Variants in TBXAS1 observed in about 807,000 individuals in gnomAD.
TBXAS1 encodes the protein thromboxane A synthase 1.
TBXAS1 carries 48 observed loss-of-function variants against 60.7 expected under a neutral mutation model. That is an observed-to-expected ratio of 0.79 (90% confidence interval 0.63 to 1.01). The LOEUF is 1.01. Ranked by LOEUF, TBXAS1 falls within the 50% of genes least tolerant of loss-of-function variation. The pLI is 0.00. For synonymous variants in TBXAS1, 287 were observed against 269.7 expected (o/e 1.06, Z -0.63); for missense variants, 685 against 686.3 (o/e 1.00, Z 0.02).
intron 3 of TBXAS1, among the ~76,000 whole-genome samples, chr7:139,881,615 T>C (rs1024847718): frequency 6.6e-6 from 1 of 152,220 alleles, no homozygotes; most frequent in Non-Finnish European, 1.5e-5. Flanking sequence ...AATATCCTCG[T>C]TTGGATGTCA....
intron 3 of TBXAS1, among the ~76,000 whole-genome samples, chr7:139,890,371 G>A (rs1050177995): frequency 6.6e-6 from 1 of 151,924 alleles, no homozygotes; most frequent in African/African-American, 2.4e-5. Context: ...GCCCGCCACT[G>A]CGCCCGGCTA....
Position 139,817,558 on chromosome 7 carries a change from GGT to G in TBXAS1, c.-79-11753_-79-11752del, listed in dbSNP as rs1386963387. Among the ~76,000 whole-genome samples the G allele has an allele frequency of 5.3e-5, 8 of 152,314 alleles. No homozygotes were observed. In the East Asian group the frequency reaches 1.5e-3, roughly 29 times the overall value. On this transcript the variant is annotated intron_variant, in intron 4 of 16. Coordinates refer to the TBXAS1 transcript ENST00000336425. ...AATTAGAGCCCATAAACCCGGAACA[GGT>G]ACAGGCAGCCACGGGGTGTCCAGAG... is the stretch of plus-strand genomic sequence containing the variant.
At chr7:139,918,438 G>A (rs573489889) in intron 4 of TBXAS1, among the ~76,000 whole-genome samples, 3 of 152,164 alleles carry the variant, frequency 2.0e-5, no homozygotes, top group South Asian at 4.2e-4. Context: ...ATTTATTCTC[G>A]CAGCCAAGCA....
intron 4 of TBXAS1, among the ~76,000 whole-genome samples, chr7:139,791,218 A>G (rs1485284614): frequency 6.6e-6 from 1 of 152,238 alleles, no homozygotes; most frequent in African/African-American, 2.4e-5. Context: ...ATAAATGCTA[A>G]CGGTAGCCTA....
In TBXAS1 at chr7:140,013,614, C is replaced by T. The variant is rs368358525; in HGVS notation, c.1227-2109C>T. Among the ~76,000 whole-genome samples, 13 of 152,324 alleles carry T rather than the reference C, an allele frequency of 8.5e-5. No homozygotes were observed. The South Asian group carries it at 2.7e-3, about 32-fold the overall frequency. ...ACCAGGAACGGCTCTCACTGGCAGG[C>T]CTCACGGAGGAGACCCAAGCTGGGG... On this transcript the variant is annotated intron_variant, in intron 10 of 12. Transcript: ENST00000448866. This position sits in a 1 kb window ranked among gnomAD's most constrained non-coding sequence, Gnocchi z 4.2.
chr7:139,846,223 T>C (rs1341078052), intron 1 of TBXAS1, among the ~76,000 whole-genome samples: 1 of 152,214 alleles, frequency 6.6e-6, no homozygotes, highest in Non-Finnish European at 1.5e-5. Flanking sequence ...GGCAGCTTGC[T>C]AGTTTATCAA....
intron 9 of TBXAS1, among the ~76,000 whole-genome samples, chr7:139,979,552 C>T (rs895192409): frequency 5.3e-5 from 8 of 151,788 alleles, no homozygotes; most frequent in Non-Finnish European, 1.2e-4. Context: ...TACGGTGAAA[C>T]CCGCCTCTAC....
intron 3 of TBXAS1, among the ~76,000 whole-genome samples, chr7:139,899,945 T>C (rs1374349678): frequency 6.6e-6 from 1 of 152,224 alleles, no homozygotes; most frequent in African/African-American, 2.4e-5. Context: ...ACTTTGCCTC[T>C]CTAAGTCTCA....
At chr7:139,948,496 T>C (rs1313140349) in intron 5 of TBXAS1, among the ~76,000 whole-genome samples, 1 of 152,212 alleles carries the variant, frequency 6.6e-6, no homozygotes, top group African/African-American at 2.4e-5. Flanking sequence ...ATTCAGTCTA[T>C]AAGAACTCCC....
At chr7:139,818,826 T>C (rs1323245071) in intron 4 of TBXAS1, among the ~76,000 whole-genome samples, 2 of 152,124 alleles carry the variant, frequency 1.3e-5, no homozygotes, top group African/African-American at 2.4e-5. Flanking sequence ...TTCATGGAGC[T>C]GGGGGAAGGC....
At chr7:139,905,041 T>TTCTTTCTTTCTC (rs1804930246) in intron 3 of TBXAS1, among the ~76,000 whole-genome samples, 1 of 88,022 alleles carries the variant, frequency 1.1e-5, no homozygotes, top group Non-Finnish European at 2.2e-5. Flanking sequence ...CTTTCTTTCT[T>TTCTTTCTTTCTC]TCTTTCTTTC....
Position 140,016,133 on chromosome 7 carries a change from C to G in TBXAS1, c.1364+273C>G, listed in dbSNP as rs570684292. 2.0e-4 allele frequency among the ~76,000 whole-genome samples: 30 copies of G among 152,124 alleles called. 1 individual carries two copies. Among genetic ancestry groups the G allele is most frequent in the African/African-American group, 4.8e-4 (20 of 41,482 alleles). ...CACGAGGTCAGGAGATCGAGACCAT[C>G]CTGGCTAACACGGTGAAACCCCATC... On this transcript the variant is annotated intron_variant, in intron 11 of 12. Coordinates refer to ENST00000448866, the MANE Select transcript of TBXAS1 (RefSeq NM_001061.7).
At chr7:139,832,741 ATCAGATGAACTGAAGATTTC>A (rs1798790359) in intron 1 of TBXAS1, among the ~76,000 whole-genome samples, 1 of 152,264 alleles carries the variant, frequency 6.6e-6, no homozygotes, top group African/African-American at 2.4e-5. Flanking sequence ...AGGAAAACCT[ATCAGATGAACTGAAGATTTC>A]TCAGCTGAAA....
intron 9 of TBXAS1, among the ~76,000 whole-genome samples, chr7:139,981,603 G>C (rs1240305794): frequency 3.3e-5 from 5 of 152,230 alleles, no homozygotes; most frequent in African/African-American, 1.2e-4. Context: ...GGGTTGATTG[G>C]TTGGAGGCCG....
At chr7:139,816,940 A>G (rs1009193873) in intron 4 of TBXAS1, among the ~76,000 whole-genome samples, 8 of 152,158 alleles carry the variant, frequency 5.3e-5, no homozygotes, top group Non-Finnish European at 8.8e-5. Context: ...TGCGTAGACA[A>G]GAGAATTTTC....
chr7:139,824,572 A>T (rs1798385949), upstream of TBXAS1, among the ~76,000 whole-genome samples: 1 of 152,246 alleles, frequency 6.6e-6, no homozygotes, highest in East Asian at 1.9e-4. Flanking sequence ...AAACGGCGTT[A>T]TGTCTCTAAA....
intron 4 of TBXAS1, among the ~76,000 whole-genome samples, chr7:139,802,861 G>A (rs1173755302): frequency 6.6e-6 from 1 of 152,166 alleles, no homozygotes; most frequent in East Asian, 1.9e-4. Flanking sequence ...CCCTGCACAT[G>A]CTCTCTTGCC....
At chr7:139,808,426 A>G (rs1245565878) in intron 4 of TBXAS1, among the ~76,000 whole-genome samples, 1 of 152,190 alleles carries the variant, frequency 6.6e-6, no homozygotes, top group African/African-American at 2.4e-5. Flanking sequence ...AGCATTTATT[A>G]TCTTTAGTAT....
At chr7:139,997,387 T>C (rs1328829563) in intron 9 of TBXAS1, among the ~76,000 whole-genome samples, 1 of 152,194 alleles carries the variant, frequency 6.6e-6, no homozygotes, top group Non-Finnish European at 1.5e-5. Flanking sequence ...TCCATACTAA[T>C]GGAAAAAACA....
Sources: gnomAD v4.1 joint callset for allele counts (sites outside exome capture counted in the v4.1 genomes callset) on GRCh38, gnomAD v4.1.1 for gene constraint, Gnocchi (gnomAD v3.1) non-coding constraint, MANE v1.5 for transcripts, NCBI Gene and HGNC (gene_info 2026-07-23, HGNC 2026-07-21) for gene names.